The following IHO1 variants were observed in gnomAD, a reference collection of about 807,000 sequenced individuals.
IHO1 encodes the protein interactor of HORMAD1 1, also known as interactor of HORMAD1 protein 1.
IHO1 carries 13 observed loss-of-function variants against 31.0 expected under a neutral mutation model. The observed-to-expected ratio is 0.42, with a 90% CI of 0.27 to 0.67. IHO1 has a LOEUF of 0.67. Ranked by LOEUF, IHO1 falls within the 30% of genes least tolerant of loss-of-function variation. IHO1 has a pLI of 0.24. For synonymous variants in IHO1, 221 were observed against 248.4 expected, an observed-to-expected ratio of 0.89 and a Z score of 1.04; for missense variants, 599 against 687.5, an observed-to-expected ratio of 0.87 and a Z score of 1.44.
chr3:49,216,439 C>T (rs1009074470), intron 2 of IHO1, among the ~76,000 whole-genome samples: 3 of 152,084 alleles, frequency 2.0e-5, no homozygotes, highest in African/African-American at 7.2e-5. Context: ...CCAAAAAATA[C>T]AAAAATTAGC....
At chr3:49,204,488 G>A (rs555195471) in intron 1 of IHO1, among the ~76,000 whole-genome samples, 2 of 152,266 alleles carry the variant, frequency 1.3e-5, no homozygotes, top group Admixed American at 1.3e-4. Context: ...GTTATGTGAA[G>A]GGATCCCCCC....
chr3:49,199,349 C>T (rs2046023805), upstream of IHO1, among the ~76,000 whole-genome samples: 1 of 152,118 alleles, frequency 6.6e-6, no homozygotes, highest in Admixed American at 6.5e-5. Flanking sequence ...CCCAGTTGGT[C>T]AGAGGAGACC....
At chr3:49,247,517 A>T (rs1224571730) in intron 6 of IHO1, among the ~76,000 whole-genome samples, 4 of 148,278 alleles carry the variant, frequency 2.7e-5, no homozygotes, top group African/African-American at 9.9e-5. Flanking sequence ...TAGGCGTGAG[A>T]CACCACGCCC....
upstream of IHO1, among the ~76,000 whole-genome samples, chr3:49,194,598 TACCATTTATAAA>T (rs2045987350): frequency 6.9e-6 from 1 of 145,162 alleles, no homozygotes; most frequent in Non-Finnish European, 1.5e-5. Context: ...GCCCAAAGTA[TACCATTTATAAA>T]ATCGGCATGG....
At position 49,257,598 on chromosome 3, in the gene IHO1, T is replaced by A. The variant is rs1362729183; in HGVS notation, c.*316T>A. 3.3e-6 allele frequency: 1 copy of A among 303,338 alleles called. No individual in the cohort carries two copies. Among genetic ancestry groups the A allele is most frequent in the Non-Finnish European group, 6.2e-6 (1 of 160,500 alleles). 18.8% of individuals were successfully genotyped at this position (303,338 alleles called of 1,614,324 possible). The stretch of plus-strand genomic sequence containing the variant: ...TTTGGCGAAAGGCAGGCAGGCCTCC[T>A]TATGGAATACTGTGTAGCAGAAGGG... On this transcript the variant is annotated 3_prime_UTR_variant, in exon 8 of 8. Coordinates refer to ENST00000452691, the MANE Select transcript of IHO1 (RefSeq NM_001135197.2).
rs193013124 is a variant in IHO1 at position 49,233,962 on chromosome 3, C to T, written c.57-2586C>T. 5.8e-4 allele frequency among the ~76,000 whole-genome samples: 89 copies of T among 152,262 alleles called. 1 individual carries two copies. Among genetic ancestry groups the T allele is most frequent in the African/African-American group, 1.5e-3 (62 of 41,558 alleles). On this transcript the variant is annotated intron_variant, in intron 2 of 7. Transcript: ENST00000452691. ...CTAGCCAGAGCCCATCCATTTGTTT[C>T]GGCCCATCCCTTTGTTTCCCATAAG...
intron 2 of IHO1, among the ~76,000 whole-genome samples, chr3:49,235,877 C>T (rs1024846017): frequency 6.7e-6 from 1 of 149,680 alleles, no homozygotes; most frequent in Admixed American, 6.7e-5. Context: ...TTGCAGTGGG[C>T]CAAGATTGCA....
chr3:49,250,190 C>A lies in IHO1; in HGVS notation c.533-5200C>A, dbSNP rs147119012. 5.9e-3 allele frequency among the ~76,000 whole-genome samples: 891 copies of A among 152,042 alleles called. 9 individuals carry two copies. The highest frequency in any genetic ancestry group is 0.02 in the African/African-American group (849 of 41,470). On this transcript the variant is annotated intron_variant, in intron 6 of 7. Transcript: ENST00000452691. ...CGTATTAATGTAAAATTCCAGAAAC[C>A]GATGATAATGTTAAATCCAGGAAGA... is the stretch of plus-strand genomic sequence containing the variant.
chr3:49,248,080 G>A (rs1184487854), intron 6 of IHO1, among the ~76,000 whole-genome samples: 2 of 149,410 alleles, frequency 1.3e-5, no homozygotes, highest in African/African-American at 2.5e-5. Context: ...AGCCGAGATG[G>A]CGCCACTGCA....
In IHO1 at chr3:49,243,368, C is replaced by T. The variant is rs1163071375; in HGVS notation, c.396-1036C>T. 5.9e-5 allele frequency among the ~76,000 whole-genome samples: 9 copies of T among 151,928 alleles called. No homozygotes were observed. In the South Asian group the frequency reaches 6.2e-4, roughly 10 times the overall value. Reference sequence around the variant, plus strand: ...GCATGTTGGCCAGGCTGGTCTCAAACTCCTGACCTCAGGTGATCCACCGGC... The same window carrying T: ...GCATGTTGGCCAGGCTGGTCTCAAATTCCTGACCTCAGGTGATCCACCGGC... On this transcript the variant is annotated intron_variant, in intron 4 of 7. Transcript: ENST00000452691.
chr3:49,203,218 A>G (rs2046092774), intron 1 of IHO1, among the ~76,000 whole-genome samples: 1 of 152,160 alleles, frequency 6.6e-6, no homozygotes, highest in Non-Finnish European at 1.5e-5. Context: ...GTTGTCTGTC[A>G]TGCTGATATC....
intron 6 of IHO1, among the ~76,000 whole-genome samples, chr3:49,247,338 T>A (rs1297891424): frequency 1.3e-5 from 2 of 151,948 alleles, no homozygotes; most frequent in African/African-American, 4.8e-5. Flanking sequence ...CAAGCCAGTC[T>A]CCTGCATGAG....
chr3:49,210,263 T>C (rs1362530030), intron 1 of IHO1, among the ~76,000 whole-genome samples: 1 of 151,878 alleles, frequency 6.6e-6, no homozygotes, highest in Non-Finnish European at 1.5e-5. Flanking sequence ...TTGAGATTTT[T>C]TTTTTCTTCG....
At chr3:49,215,643 T>C (rs2107691949) in intron 2 of IHO1, among the ~76,000 whole-genome samples, 1 of 152,272 alleles carries the variant, frequency 6.6e-6, no homozygotes, top group Admixed American at 6.5e-5. Context: ...TTTAATTGGG[T>C]GCTACAGCCA....
At chr3:49,223,693 A>G (rs993119536) in intron 2 of IHO1, among the ~76,000 whole-genome samples, 2 of 152,050 alleles carry the variant, frequency 1.3e-5, no homozygotes, top group Non-Finnish European at 2.9e-5. Context: ...TCCGTCTCAA[A>G]AAAAAAAAAG....
intron 2 of IHO1, among the ~76,000 whole-genome samples, chr3:49,216,994 T>C (rs6803264): frequency 0.85 from 129,731 of 152,200 alleles, 55,876 homozygotes; most frequent in East Asian, 1. Flanking sequence ...AAACAACAGA[T>C]GCTGGAGAGG....
At chr3:49,208,601 G>T (rs1305717483) in intron 1 of IHO1, among the ~76,000 whole-genome samples, 1 of 152,206 alleles carries the variant, frequency 6.6e-6, no homozygotes, top group Non-Finnish European at 1.5e-5. Context: ...CAAGGTCAGA[G>T]ACCTAATGCC....
intron 2 of IHO1, among the ~76,000 whole-genome samples, chr3:49,227,814 G>A (rs2046434370): frequency 6.6e-6 from 1 of 152,174 alleles, no homozygotes; most frequent in Non-Finnish European, 1.5e-5. Flanking sequence ...ACTTGAATAG[G>A]AAGGATATCA....
At chr3:49,218,374 AC>A (rs2046314557) in intron 2 of IHO1, among the ~76,000 whole-genome samples, 3 of 117,684 alleles carry the variant, frequency 2.5e-5, no homozygotes, top group Non-Finnish European at 3.6e-5. Context: ...GACAGTTAAT[AC>A]CTTTTTTTTT....
Sources: allele counts gnomAD v4.1 joint callset (sites outside exome capture counted in the v4.1 genomes callset), GRCh38; gene constraint gnomAD v4.1.1; transcripts MANE v1.5; gene names NCBI Gene and HGNC (gene_info 2026-07-23, HGNC 2026-07-21).